NCOR2: variants seen among roughly 807,000 people sequenced by gnomAD.
NCOR2 encodes CTG repeat protein 26.
NCOR2 carries 81 observed loss-of-function variants against 262.9 expected under a neutral mutation model. The ratio of observed to expected loss-of-function variants is 0.31; its 90% CI spans 0.26 to 0.37. The LOEUF (loss-of-function observed/expected upper bound fraction) is 0.37, where lower values mean the gene tolerates loss of function less well. Ranked by LOEUF, NCOR2 falls within the 10% of genes least tolerant of loss-of-function variation. The pLI, the probability that NCOR2 is intolerant of heterozygous loss-of-function variation, is 1.00. For synonymous variants in NCOR2, 1,659 were observed against 1,559.3 expected (o/e 1.06, Z -1.51); for missense variants, 3,385 against 3,621.4 (o/e 0.93, Z 1.68).
At chr12:124,529,179 CAAAAAAAA>C (rs148397454) in intron 1 of NCOR2, among the ~76,000 whole-genome samples, 6 of 52,186 alleles carry the variant, frequency 1.1e-4, no homozygotes, top group Admixed American at 2.8e-4. Flanking sequence ...AACTCCGACT[CAAAAAAAA>C]AAAAAAAAAA....
intron 44 of NCOR2, chr12:124,328,693 T>TA (rs1389954861): frequency 1.3e-5 from 2 of 158,524 alleles, no homozygotes; most frequent in Admixed American, 1.3e-4. Flanking sequence ...CATGGAGTTT[T>TA]AAACTTCTGC....
intron 3 of NCOR2, among the ~76,000 whole-genome samples, chr12:124,480,530 A>G (rs1162478374): frequency 6.6e-6 from 1 of 152,140 alleles, no homozygotes; most frequent in Non-Finnish European, 1.5e-5. Flanking sequence ...AAACCACAGC[A>G]AACTCCCACA....
At chr12:124,417,084 CAGTCACTCCACGGAGAGCAGGCCG>C (rs1288509777) in intron 13 of NCOR2, among the ~76,000 whole-genome samples, 10 of 141,466 alleles carry the variant, frequency 7.1e-5, no homozygotes, top group African/African-American at 2.6e-4. Context: ...GCAGGCCGGA[CAGTCACTCCACGGAGAGCAGGCCG>C]GACAGTCACT....
intron 7 of NCOR2, among the ~76,000 whole-genome samples, chr12:124,445,818 C>T (rs12320941): frequency 1.3e-5 from 2 of 152,180 alleles, no homozygotes; most frequent in East Asian, 3.8e-4. Flanking sequence ...AAATATTTGT[C>T]GAATGAATGA....
Position 124,426,617 on chromosome 12 carries a change from C to A in NCOR2, c.1328+5G>T. ...GGAGGCCAGGCCAGGTGATGGAGGA[C>A]TCACTTCTCCCGGAAGGTCTCCTTC... is the stretch of plus-strand genomic sequence containing the variant. On this transcript the variant is annotated splice_donor_5th_base_variant and intron_variant, in intron 11 of 46. Coordinates refer to ENST00000405201, the Ensembl canonical transcript of NCOR2. The A allele has an allele frequency of 6.3e-7, 1 of 1,577,462 alleles. No homozygotes were observed. Among genetic ancestry groups the A allele is most frequent in the Non-Finnish European group, 8.7e-7 (1 of 1,153,888 alleles).
chr12:124,550,486 G>C (rs1316873109), intron 1 of NCOR2, among the ~76,000 whole-genome samples: 1 of 152,166 alleles, frequency 6.6e-6, no homozygotes, highest in Admixed American at 6.5e-5. Context: ...TCCCCCAGCA[G>C]CCACTGGCAG....
At chr12:124,377,645 C>G (rs1477438552) in intron 18 of NCOR2, among the ~76,000 whole-genome samples, 2 of 151,984 alleles carry the variant, frequency 1.3e-5, no homozygotes, top group East Asian at 1.9e-4. Context: ...TTGAGACCAG[C>G]CTGACCAACA....
At chr12:124,366,085 T>C (rs1168328900) in intron 20 of NCOR2, among the ~76,000 whole-genome samples, 1 of 152,150 alleles carries the variant, frequency 6.6e-6, no homozygotes, top group African/African-American at 2.4e-5. Flanking sequence ...CTGCCACTCC[T>C]AGGCACACAC....
intron 1 of NCOR2, among the ~76,000 whole-genome samples, chr12:124,554,058 C>T (rs866408314): frequency 1.1e-4 from 16 of 152,292 alleles, no homozygotes; most frequent in Middle Eastern, 3.4e-3. Context: ...GCCAGGGCCC[C>T]GGGGCAGGCC....
intron 19 of NCOR2, 82 bp downstream of exon 21, chr12:124,374,331 G>A (rs993632231): frequency 5.7e-6 from 8 of 1,403,884 alleles, no homozygotes; most frequent in Non-Finnish European, 8.0e-6. Context: ...TCAGAAGCGG[G>A]GTTCCTTGTG....
chr12:124,558,334 G>A (rs1369801958), intron 1 of NCOR2, among the ~76,000 whole-genome samples: 2 of 151,242 alleles, frequency 1.3e-5, no homozygotes, highest in Non-Finnish European at 3.0e-5. Flanking sequence ...CGAGCCAAGG[G>A]GAGGCCACAG....
intron 1 of NCOR2, among the ~76,000 whole-genome samples, chr12:124,491,409 G>A (rs1040076911): frequency 1.3e-5 from 2 of 151,428 alleles, no homozygotes; most frequent in East Asian, 1.9e-4. Flanking sequence ...GGCACGGGAC[G>A]GTAAGGCCAC....
At chr12:124,485,547 G>T (rs369241471) in intron 2 of NCOR2, among the ~76,000 whole-genome samples, 1 of 152,224 alleles carries the variant, frequency 6.6e-6, no homozygotes, top group Non-Finnish European at 1.5e-5. Context: ...GCTTGAAGCC[G>T]CCCAGTTTGT....
At chr12:124,384,133 T>A (rs1183149272) in intron 17 of NCOR2, among the ~76,000 whole-genome samples, 4 of 152,202 alleles carry the variant, frequency 2.6e-5, no homozygotes, top group African/African-American at 9.7e-5. Context: ...GCCAAAGCCC[T>A]GCCCCCAAGT....
intron 5 of NCOR2, among the ~76,000 whole-genome samples, chr12:124,460,023 C>T (rs1345467927): frequency 6.6e-6 from 1 of 152,260 alleles, no homozygotes; most frequent in African/African-American, 2.4e-5. Flanking sequence ...CCTCCCCTCC[C>T]CACAGAGGCC....
exon 21 of NCOR2, chr12:124,363,750 C>T: frequency 7.2e-7 from 1 of 1,391,876 alleles, no homozygotes; most frequent in Non-Finnish European, 9.4e-7. Context: ...GAGGCATTGG[C>T]CCGGGGGTCG....
chr12:124,438,912 G>A (rs2044592594), intron 7 of NCOR2, among the ~76,000 whole-genome samples: 1 of 150,998 alleles, frequency 6.6e-6, no homozygotes, highest in East Asian at 2.0e-4. Flanking sequence ...CAGAGACCCA[G>A]AGAGAGAGAG....
At chr12:124,411,084 GA>G (rs1179130670) in intron 13 of NCOR2, among the ~76,000 whole-genome samples, 2 of 17,822 alleles carry the variant, frequency 1.1e-4, no homozygotes, top group African/African-American at 1.1e-4. Context: ...GAGAGAAGGG[GA>G]GAGAGAGAGA....
rs1213698602 is a variant in NCOR2 at position 124,532,960 on chromosome 12, TCCCC to T, written c.-118+2601_-118+2604del. Among the ~76,000 whole-genome samples the T allele has an allele frequency of 2.3e-4, 9 of 39,436 alleles. No homozygotes were observed. In the South Asian group the frequency reaches 5.6e-3, roughly 24 times the overall value. The allele number at this position is 39,436 out of a possible 152,430, so 25.9% of individuals were successfully genotyped here. On this transcript the variant is annotated intron_variant, in intron 1 of 46. Coordinates refer to the NCOR2 transcript ENST00000404621. ...TCCTCCCTCCAAATCCCACTCCTCT[TCCCC>T]CCTCCCTCCAAATCCCACTCCTCTT...
Sources: allele counts gnomAD v4.1 joint callset (sites outside exome capture counted in the v4.1 genomes callset), GRCh38; gene constraint gnomAD v4.1.1; transcripts MANE v1.5; gene names NCBI Gene and HGNC (gene_info 2026-07-23, HGNC 2026-07-21).